SCN3A: variants seen among roughly 807,000 people sequenced by gnomAD.
The protein encoded by SCN3A is sodium channel protein type 3 subunit alpha.
SCN3A carries 60 observed loss-of-function variants against 187.6 expected under a neutral mutation model. The observed-to-expected ratio is 0.32, with a 90% CI of 0.26 to 0.40. SCN3A has a LOEUF of 0.40. SCN3A is among the 10% of genes least tolerant of loss of function. SCN3A has a pLI of 1.00. For synonymous variants in SCN3A, 788 were observed against 829.2 expected, an observed-to-expected ratio of 0.95 and a Z score of 0.85; for missense variants, 1,601 against 2,428.2, an observed-to-expected ratio of 0.66 and a Z score of 7.16.
chr2:165,176,062 G>A lies in SCN3A; in HGVS notation c.264+69C>T, dbSNP rs1171725362. 10 of 1,475,798 alleles carry A rather than the reference G, an allele frequency of 6.8e-6. No individual in the cohort carries two copies. The East Asian group carries it at 2.3e-4, about 34-fold the overall frequency. The allele number at this position is 1,475,798 out of a possible 1,614,324, so 91.4% of individuals were successfully genotyped here. A position where few individuals can be genotyped will look rare whatever the true frequency, so the allele number is the denominator to read the frequency against. ...GAAAAATTGTGATGCTGTATATAAG[G>A]CCCAGAAAAGTATATTACAGTTAAG... On this transcript the variant is annotated intron_variant, in intron 3 of 27. Transcript: ENST00000283254.
In SCN3A at chr2:165,140,477, A is replaced by C. The variant is rs138692683; in HGVS notation, c.2019+174T>G. Among the ~76,000 whole-genome samples the C allele has an allele frequency of 6.6e-6, 1 of 152,214 alleles. No individual in the cohort carries two copies. Among genetic ancestry groups the C allele is most frequent in the Non-Finnish European group, 1.5e-5 (1 of 68,040 alleles). On this transcript the variant is annotated intron_variant, in intron 13 of 27. Coordinates refer to ENST00000283254, the MANE Select transcript of SCN3A (RefSeq NM_006922.4). The surrounding 1 kb of genome is among the most constrained non-coding windows in gnomAD (Gnocchi z 4.2). ...CCATACAACAAAAGCTAATGGTCCC[A>C]TACAATTCAATTGATTCTCAATATT...
At chr2:165,177,498 A>G (rs1690541247) in intron 2 of SCN3A, among the ~76,000 whole-genome samples, 1 of 152,202 alleles carries the variant, frequency 6.6e-6, no homozygotes, top group Non-Finnish European at 1.5e-5. Context: ...AATTATCTTC[A>G]GTTTCCCTAG....
intron 11 of SCN3A, among the ~76,000 whole-genome samples, chr2:165,149,757 A>G (rs1371043270): frequency 6.6e-6 from 1 of 152,214 alleles, no homozygotes; most frequent in African/African-American, 2.4e-5. Context: ...TTACTTTCAC[A>G]GCCAACTTGC....
intron 5 of SCN3A, among the ~76,000 whole-genome samples, chr2:165,168,014 G>T (rs1376540337): frequency 6.6e-6 from 1 of 152,126 alleles, no homozygotes; most frequent in African/African-American, 2.4e-5. Context: ...CCTGGGATAT[G>T]AGGCCACAAA....
At chr2:165,168,886 A>G in intron 4 of SCN3A, 61 bp from the exon 5 acceptor site, 5 of 1,153,720 alleles carry the variant, frequency 4.3e-6, no homozygotes, top group Non-Finnish European at 6.5e-6. Context: ...AAATGATCCA[A>G]AACACACAAA....
intron 15 of SCN3A, 65 bp from the exon 16 acceptor site, chr2:165,131,482 AAAG>A (rs1194908085): frequency 9.8e-6 from 11 of 1,117,448 alleles, no homozygotes; most frequent in Non-Finnish European, 1.3e-5. Flanking sequence ...ACGAATTTAT[AAAG>A]AAGAACATTA....
At chr2:165,103,306 A>C (rs1184951773) in intron 21 of SCN3A, among the ~76,000 whole-genome samples, 2 of 152,186 alleles carry the variant, frequency 1.3e-5, no homozygotes, top group African/African-American at 4.8e-5. Context: ...TAGTGAAATG[A>C]CCACTCCAAG....
chr2:165,127,922 T>A lies in SCN3A; in HGVS notation c.3102A>T (p.Pro1034=). 1 of 1,614,162 alleles carries A rather than the reference T, an allele frequency of 6.2e-7. No homozygotes were observed. ...ECFQKAFFRK[P]KVIEIHEGNK... is the part of the protein sequence containing the mutation. ...TGCCTTCATGGATTTCTATAACTTT[T>A]GGCTTTCTAAAAAAGGCTTTTTGGA... The change falls in exon 18 of 28, where the codon CCA becomes CCT. Residue 1034 remains proline (P), a synonymous_variant. Coordinates refer to ENST00000283254, the MANE Select transcript of SCN3A (RefSeq NM_006922.4).
In SCN3A at chr2:165,090,638, G is replaced by T. The variant is rs1685048649; in HGVS notation, c.5515C>A (p.Leu1839Met). ...ATCCGGTCACCACTGACCATGGGCA[G>T]ATCCATGGCAATAAGCTGGACTTTG... Reference protein sequence around the residue: ...PNKVQLIAMDLPMVSGDRIHC... With the variant: ...PNKVQLIAMDMPMVSGDRIHC... The change falls in exon 28 of 28, where the codon CTG becomes ATG. Residue 1839 changes from leucine to methionine, a missense_variant. Transcript: ENST00000283254. The surrounding 1 kb of genome is among the most constrained non-coding windows in gnomAD (Gnocchi z 4.0). 6.2e-7 allele frequency: 1 copy of T among 1,613,966 alleles called. No homozygotes were observed. Among genetic ancestry groups the T allele is most frequent in the African/African-American group, 1.3e-5 (1 of 74,894 alleles).
intron 24 of SCN3A, 65 bp downstream of exon 24, chr2:165,096,402 A>G: frequency 7.6e-7 from 1 of 1,314,558 alleles, no homozygotes; most frequent in Non-Finnish European, 1.1e-6. Flanking sequence ...ATCAGTGTTT[A>G]AATTACCACC....
intron 15 of SCN3A, among the ~76,000 whole-genome samples, chr2:165,134,049 C>T (rs1259295757): frequency 6.6e-6 from 1 of 151,808 alleles, no homozygotes; most frequent in South Asian, 2.1e-4. Context: ...GGATGTATGC[C>T]TCAGAATTAA....
chr2:165,170,641 T>C (rs1483760059), intron 3 of SCN3A, 93 bp from the exon 4 acceptor site: 6 of 801,324 alleles, frequency 7.5e-6, no homozygotes, highest in Non-Finnish European at 1.3e-5. Flanking sequence ...AAATAGAATT[T>C]GTTTGTTCAA....
At chr2:165,103,590 T>A (rs1460013662) in intron 21 of SCN3A, among the ~76,000 whole-genome samples, 2 of 152,074 alleles carry the variant, frequency 1.3e-5, no homozygotes, top group East Asian at 3.9e-4. Context: ...GTGATAGAGG[T>A]GTCAGGGGTT....
In SCN3A at chr2:165,140,408, CG is replaced by C. The variant is rs2105809980; in HGVS notation, c.2019+242del. On this transcript the variant is annotated intron_variant, in intron 13 of 27. Transcript: ENST00000283254. This position sits in a 1 kb window ranked among gnomAD's most constrained non-coding sequence, Gnocchi z 4.2. ...TGTATTTCATAGCAGACTCTAAAAA[CG>C]GGGCCCTTTTAACCTAAAGCCATGG... 1.3e-5 allele frequency among the ~76,000 whole-genome samples: 2 copies of C among 152,082 alleles called. No homozygotes were observed. The highest frequency in any genetic ancestry group is 4.8e-5 in the African/African-American group (2 of 41,484).
intron 11 of SCN3A, among the ~76,000 whole-genome samples, chr2:165,153,899 T>C (rs1688849650): frequency 6.6e-6 from 1 of 150,718 alleles, no homozygotes; most frequent in Non-Finnish European, 1.5e-5. Flanking sequence ...TACCCCTAGC[T>C]CACACAGCCT....
At chr2:165,136,886 C>T (rs1687702256) in intron 15 of SCN3A, among the ~76,000 whole-genome samples, 1 of 152,136 alleles carries the variant, frequency 6.6e-6, no homozygotes, top group South Asian at 2.1e-4. Context: ...CTTCTGTTGG[C>T]AATTGCTCCT....
In SCN3A at chr2:165,176,433, C is replaced by A. The variant is rs541021932; in HGVS notation, c.-39G>T. On this transcript the variant is annotated 5_prime_UTR_variant, in exon 3 of 28. It removes an upstream start codon present in the reference 5' UTR. Transcript: ENST00000283254. The stretch of plus-strand genomic sequence containing the variant: ...ACATTTAATTACGTGTAGCTTCTTG[C>A]ATACGAATTACCTGCAATAAAAGAA... 6 of 1,613,238 alleles carry A rather than the reference C, an allele frequency of 3.7e-6. No homozygotes were observed. The African/African-American group carries it at 5.3e-5, about 14-fold the overall frequency.
chr2:165,133,363 A>AT (rs913102392), intron 15 of SCN3A, among the ~76,000 whole-genome samples: 10 of 151,220 alleles, frequency 6.6e-5, no homozygotes, highest in Admixed American at 2.6e-4. Flanking sequence ...TATTTTTATT[A>AT]TTTTTTTTTG....
intron 1 of SCN3A, among the ~76,000 whole-genome samples, chr2:165,190,590 A>C (rs989826849): frequency 1.4e-5 from 2 of 142,822 alleles, no homozygotes; most frequent in African/African-American, 5.5e-5. Context: ...AAAACTTTAT[A>C]TATATATAAC....
Sources: gnomAD v4.1 joint callset for allele counts (sites outside exome capture counted in the v4.1 genomes callset) on GRCh38, gnomAD v4.1.1 for gene constraint, Gnocchi (gnomAD v3.1) non-coding constraint, MANE v1.5 for transcripts, NCBI Gene and HGNC (gene_info 2026-07-23, HGNC 2026-07-21) for gene names.